Variants in CACNB2 observed in about 807,000 individuals in gnomAD.
CACNB2 encodes voltage-dependent L-type calcium channel subunit beta-2.
CACNB2 carries 42 observed loss-of-function variants against 73.3 expected under a neutral mutation model. The observed-to-expected ratio is 0.57, with a 90% CI of 0.45 to 0.74. The LOEUF is 0.74. Among genes scored for constraint, CACNB2 ranks in the 30% least tolerant of loss-of-function variants. The pLI is 0.00. For missense variants in CACNB2, 940 were observed against 853.0 expected, an observed-to-expected ratio of 1.10 and a Z score of -1.27; for synonymous variants, 348 against 310.3, an observed-to-expected ratio of 1.12 and a Z score of -1.28.
chr10:18,179,760 C>G (rs1485271223), intron 2 of CACNB2, among the ~76,000 whole-genome samples: 1 of 152,080 alleles, frequency 6.6e-6, no homozygotes, highest in Non-Finnish European at 1.5e-5. Flanking sequence ...TTAAAATCTG[C>G]TTTAAACAGA....
chr10:18,240,439 A>G (rs2036604297), intron 2 of CACNB2, among the ~76,000 whole-genome samples: 1 of 152,156 alleles, frequency 6.6e-6, no homozygotes, highest in South Asian at 2.1e-4. Flanking sequence ...CAGTTTTATA[A>G]TTTGCCTGCA....
At chr10:18,485,784 T>C (rs1012979027) in intron 3 of CACNB2, among the ~76,000 whole-genome samples, 4 of 151,916 alleles carry the variant, frequency 2.6e-5, no homozygotes, top group Non-Finnish European at 5.9e-5. Flanking sequence ...GTTTTCACCA[T>C]GTTGGCCAGG....
Position 18,407,109 on chromosome 10 carries a change from C to CTTTTT in CACNB2, c.333+5093_333+5097dup, listed in dbSNP as rs71507267. Among the ~76,000 whole-genome samples the CTTTTT allele has an allele frequency of 6.1e-3, 219 of 35,612 alleles. 60 individuals carry two copies. Among genetic ancestry groups the CTTTTT allele is most frequent in the African/African-American group, 0.021 (193 of 8,996 alleles). The allele number at this position is 35,612 out of a possible 152,430, so 23.4% of individuals were successfully genotyped here. On this transcript the variant is annotated intron_variant, in intron 3 of 13. Coordinates refer to ENST00000324631, the MANE Select transcript of CACNB2 (RefSeq NM_201596.3). ...CTAAAGTCCAGACCTGCTGTTCTGT[C>CTTTTT]TTTTTTTTTTTTTTTTTTTTTTTTT...
At chr10:18,491,979 G>C (rs956127190) in intron 3 of CACNB2, among the ~76,000 whole-genome samples, 2 of 152,050 alleles carry the variant, frequency 1.3e-5, no homozygotes, top group Non-Finnish European at 2.9e-5. Flanking sequence ...GATTTAATTG[G>C]CTCACAGTTC....
chr10:18,199,281 C>T (rs1272395232), intron 2 of CACNB2, among the ~76,000 whole-genome samples: 1 of 152,096 alleles, frequency 6.6e-6, no homozygotes, highest in East Asian at 1.9e-4. Flanking sequence ...CATCAGTGAG[C>T]TTATATTTCT....
chr10:18,492,627 A>AAG (rs1450224415), intron 3 of CACNB2, among the ~76,000 whole-genome samples: 2 of 142,142 alleles, frequency 1.4e-5, no homozygotes, highest in African/African-American at 5.9e-5. Flanking sequence ...TCTCAAAAAA[A>AAG]AAAAAAAAAA....
At chr10:18,381,821 C>A (rs2043031573) in intron 2 of CACNB2, among the ~76,000 whole-genome samples, 1 of 151,862 alleles carries the variant, frequency 6.6e-6, no homozygotes, top group Admixed American at 6.6e-5. Context: ...AGAAACAGGT[C>A]CTAAGAAATG....
intron 2 of CACNB2, among the ~76,000 whole-genome samples, chr10:18,220,294 C>T (rs1174954176): frequency 7.6e-6 from 1 of 132,164 alleles, no homozygotes; most frequent in Non-Finnish European, 1.6e-5. Flanking sequence ...GAATCTTATT[C>T]TGTCACCCAG....
At chr10:18,443,253 G>A (rs1021357634) in intron 3 of CACNB2, among the ~76,000 whole-genome samples, 7 of 151,866 alleles carry the variant, frequency 4.6e-5, no homozygotes, top group South Asian at 2.1e-4. Flanking sequence ...CTGTGCAAAC[G>A]AGGGCCAGTG....
intron 2 of CACNB2, among the ~76,000 whole-genome samples, chr10:18,186,881 T>G (rs74120240): frequency 0.02 from 3,026 of 152,276 alleles, 96 homozygotes; most frequent in African/African-American, 0.069. Flanking sequence ...ATAAAACGAA[T>G]GGGGCAGCTT....
intron 3 of CACNB2, among the ~76,000 whole-genome samples, chr10:18,417,779 G>GA (rs1414583867): frequency 2.6e-5 from 4 of 152,004 alleles, no homozygotes; most frequent in Admixed American, 6.6e-5. Flanking sequence ...TAGAGAAATG[G>GA]AAAAATAATC....
At chr10:18,219,375 T>A (rs539455766) in intron 2 of CACNB2, among the ~76,000 whole-genome samples, 4 of 152,310 alleles carry the variant, frequency 2.6e-5, no homozygotes, top group African/African-American at 9.6e-5. Context: ...GACCTGATAA[T>A]TCAGTTTCCA....
chr10:18,377,684 C>CTA (rs1026066104), intron 2 of CACNB2, among the ~76,000 whole-genome samples: 1 of 152,156 alleles, frequency 6.6e-6, no homozygotes, highest in African/African-American at 2.4e-5. Flanking sequence ...GGCCCATGAG[C>CTA]TATAGTTGGC....
chr10:18,364,447 C>A (rs993062179), intron 2 of CACNB2, among the ~76,000 whole-genome samples: 1 of 151,792 alleles, frequency 6.6e-6, no homozygotes, highest in African/African-American at 2.4e-5. Flanking sequence ...ATTACAGGCA[C>A]GCAACACCAC....
intron 1 of CACNB2, 45 bp downstream of exon 1, chr10:18,140,901 G>A (rs1386769020): frequency 6.4e-7 from 1 of 1,560,810 alleles, no homozygotes; most frequent in Non-Finnish European, 8.7e-7. Context: ...GAGCCGCCGG[G>A]CAGGGCACCG....
At chr10:18,259,227 A>C (rs1334542396) in intron 2 of CACNB2, among the ~76,000 whole-genome samples, 3 of 152,080 alleles carry the variant, frequency 2.0e-5, no homozygotes, top group African/African-American at 7.2e-5. Flanking sequence ...ACCTCTATCA[A>C]CCTCTTAGAC....
intron 3 of CACNB2, among the ~76,000 whole-genome samples, chr10:18,479,479 G>T (rs1400301463): frequency 6.6e-6 from 1 of 152,118 alleles, no homozygotes; most frequent in Non-Finnish European, 1.5e-5. Flanking sequence ...CTTTACAAAT[G>T]TTGACAAATT....
chr10:18,539,279 C>T lies in CACNB2; in HGVS notation c.1538C>T (p.Ala513Val). 1 of 1,614,016 alleles carries T rather than the reference C, an allele frequency of 6.2e-7. No individual in the cohort carries two copies. The highest frequency in any genetic ancestry group is 8.5e-7 in the Non-Finnish European group (1 of 1,179,996). Residue 513 changes from alanine (A) to valine (V), a missense_variant, in exon 14 of 14, where the codon GCT becomes GTT. Transcript: ENST00000324631. The part of the protein sequence containing the change: ...RTDRSAPIRS[A>V]SQAEEEPSVE... Reference sequence around the variant, plus strand: ...GATCGCTCCGCTCCTATCCGTTCTGCTTCCCAAGCTGAAGAAGAACCTAGT... The same window carrying T: ...GATCGCTCCGCTCCTATCCGTTCTGTTTCCCAAGCTGAAGAAGAACCTAGT...
At chr10:18,531,741 T>C (rs1190065146) in intron 10 of CACNB2, 1 of 152,206 alleles carries the variant, frequency 6.6e-6, no homozygotes, top group African/African-American at 2.4e-5. Context: ...TGTGGTTTGA[T>C]TTGCATTTCT....
Sources: allele counts gnomAD v4.1 joint callset (sites outside exome capture counted in the v4.1 genomes callset), GRCh38; gene constraint gnomAD v4.1.1; transcripts MANE v1.5; gene names NCBI Gene and HGNC (gene_info 2026-07-23, HGNC 2026-07-21).